Variants in BANK1 observed in about 807,000 individuals in gnomAD.
BANK1 encodes B cell scaffold protein with ankyrin repeats 1.
In BANK1, 95 loss-of-function variants were observed where a neutral mutation model predicts 94.5. The ratio of observed to expected loss-of-function variants is 1.00; its 90% CI spans 0.85 to 1.19. The LOEUF (loss-of-function observed/expected upper bound fraction) is 1.19, where lower values mean the gene tolerates loss of function less well. Among genes scored for constraint, BANK1 ranks in the 50% most tolerant of loss-of-function variants. The pLI is 0.00. For synonymous variants in BANK1, 334 were observed against 308.4 expected, an observed-to-expected ratio of 1.08 and a Z score of -0.87; for missense variants, 987 against 932.2, an observed-to-expected ratio of 1.06 and a Z score of -0.77.
intron 7 of BANK1, among the ~76,000 whole-genome samples, chr4:101,969,399 A>G (rs192820988): frequency 8.5e-5 from 13 of 152,244 alleles, no homozygotes; most frequent in African/African-American, 2.9e-4. Flanking sequence ...AGTTTGCATA[A>G]TGAGAAACAC....
At chr4:101,795,820 T>G (rs1359016853) in intron 1 of BANK1, among the ~76,000 whole-genome samples, 2 of 152,136 alleles carry the variant, frequency 1.3e-5, no homozygotes, top group African/African-American at 2.4e-5. Context: ...TCCACAGCCA[T>G]GTAAATCAAG....
Position 101,809,065 on chromosome 4 carries a change from C to T in BANK1, c.70+18115C>T, listed in dbSNP as rs187853533. 2.9e-4 allele frequency among the ~76,000 whole-genome samples: 44 copies of T among 152,318 alleles called. No individual in the cohort carries two copies. The East Asian group carries it at 7.3e-3, about 25-fold the overall frequency. ...ATGGACACATCTGTTTATAGCAGCA[C>T]AATTTGCAATTGCAAAAATAGGTAA... On this transcript the variant is annotated intron_variant, in intron 1 of 16. Coordinates refer to ENST00000322953, the MANE Select transcript of BANK1 (RefSeq NM_017935.5).
intron 1 of BANK1, among the ~76,000 whole-genome samples, chr4:101,820,994 T>G (rs1726122676): frequency 6.6e-6 from 1 of 152,130 alleles, no homozygotes; most frequent in African/African-American, 2.4e-5. Context: ...TCGAATGCCA[T>G]TACTGTCTTT....
intron 4 of BANK1, among the ~76,000 whole-genome samples, chr4:101,867,838 T>C (rs1220627826): frequency 1.3e-5 from 2 of 151,598 alleles, no homozygotes; most frequent in Non-Finnish European, 2.9e-5. Context: ...TCCTATAAAA[T>C]TCTCAAGTAA....
Position 101,790,920 on chromosome 4 carries a change from G to C in BANK1, c.40G>C (p.Asp14His), listed in dbSNP as rs1212632402. 5 of 1,534,314 alleles carry C rather than the reference G, an allele frequency of 3.3e-6. No homozygotes were observed. Among genetic ancestry groups the C allele is most frequent in the Non-Finnish European group, 4.4e-6 (5 of 1,145,634 alleles). The part of the protein sequence containing the change: ...AAPGKGLGSP[D>H]PAPCGPAPPG... The stretch of plus-strand genomic sequence containing the variant: ...GCCAGGCAAGGGGCTTGGGAGCCCG[G>C]ACCCCGCCCCCTGCGGCCCAGCGCC... The change falls in exon 1 of 17, where the codon GAC (aspartate) becomes CAC (histidine). Residue 14 changes from aspartate (D) to histidine (H), a missense_variant. Transcript: ENST00000322953.
At chr4:102,072,581 A>G (rs1411172385) in intron 15 of BANK1, among the ~76,000 whole-genome samples, 181 bp downstream of exon 15, 1 of 152,176 alleles carries the variant, frequency 6.6e-6, no homozygotes, top group African/African-American at 2.4e-5. Flanking sequence ...TATTTGGAAA[A>G]AAAACAAAGA....
intron 11 of BANK1, among the ~76,000 whole-genome samples, chr4:102,049,228 A>G (rs950021221): frequency 7.2e-5 from 11 of 152,212 alleles, no homozygotes; most frequent in African/African-American, 2.7e-4. Context: ...TATAAAATAT[A>G]CTTAGTCATT....
chr4:102,002,221 A>G (rs995177370), intron 7 of BANK1, among the ~76,000 whole-genome samples: 13 of 152,090 alleles, frequency 8.5e-5, no homozygotes, highest in Admixed American at 6.5e-4. Flanking sequence ...CACACGTATG[A>G]TCTTATTGGA....
Position 102,074,023 on chromosome 4 carries a change from A to T in BANK1, c.*24A>T. On this transcript the variant is annotated 3_prime_UTR_variant, in exon 17 of 17. Transcript: ENST00000322953. ...TTTCCAGGTTATTATAATGAAACTC[A>T]CGAATCTACGGACATTTTGCTTTCA... 1 of 229,254 alleles carries T rather than the reference A, an allele frequency of 4.4e-6. No homozygotes were observed. Among genetic ancestry groups the T allele is most frequent in the Non-Finnish European group, 8.4e-6 (1 of 119,206 alleles). 14.2% of individuals were successfully genotyped at this position (229,254 alleles called of 1,614,324 possible). A position where few individuals can be genotyped will look rare whatever the true frequency, so the allele number is the denominator to read the frequency against.
intron 11 of BANK1, among the ~76,000 whole-genome samples, chr4:102,044,163 C>T (rs1434307582): frequency 2.6e-5 from 4 of 151,976 alleles, no homozygotes; most frequent in Admixed American, 1.3e-4. Context: ...GTATATCTCC[C>T]GATGCTATCC....
chr4:101,942,651 A>C (rs1723792773), intron 7 of BANK1, among the ~76,000 whole-genome samples: 2 of 151,958 alleles, frequency 1.3e-5, no homozygotes, highest in South Asian at 4.1e-4. Flanking sequence ...TCTTACATAA[A>C]ATTATATAAT....
intron 5 of BANK1, among the ~76,000 whole-genome samples, chr4:101,881,169 CCTAT>C (rs1317887916): frequency 7.9e-5 from 12 of 151,874 alleles, no homozygotes; most frequent in Non-Finnish European, 1.8e-4. Flanking sequence ...TTGCAAACTA[CCTAT>C]CTAACAAGGG....
At chr4:101,878,008 C>T (rs541932494) in intron 5 of BANK1, among the ~76,000 whole-genome samples, 1 of 151,900 alleles carries the variant, frequency 6.6e-6, no homozygotes, top group Non-Finnish European at 1.5e-5. Flanking sequence ...AAATTACTTT[C>T]ACTAAAAGGA....
At chr4:101,792,256 C>CCA (rs35818853) in intron 1 of BANK1, among the ~76,000 whole-genome samples, 1 of 30,552 alleles carries the variant, frequency 3.3e-5, no homozygotes, top group African/African-American at 1.1e-4. Flanking sequence ...GCATTCCGCT[C>CCA]CCCCCCCGCC....
chr4:101,983,046 G>A (rs117485338), intron 7 of BANK1, among the ~76,000 whole-genome samples: 4 of 151,780 alleles, frequency 2.6e-5, no homozygotes, highest in African/African-American at 9.7e-5. Flanking sequence ...TTCCCAAGGC[G>A]CAGTATAACT....
chr4:101,868,723 A>G (rs995713670), intron 4 of BANK1, among the ~76,000 whole-genome samples: 1 of 151,946 alleles, frequency 6.6e-6, no homozygotes, highest in African/African-American at 2.4e-5. Context: ...GTGAACCAAA[A>G]TTAAAGTTAA....
At chr4:101,957,816 GTTTTTGT>G (rs150362539) in intron 7 of BANK1, among the ~76,000 whole-genome samples, 44,988 of 139,818 alleles carry the variant, frequency 0.32, 8,096 homozygotes, top group Non-Finnish European at 0.42. Flanking sequence ...TTGTTGTTGT[GTTTTTGT>G]TTTTTGTTTT....
At chr4:102,070,281 A>T (rs1167088371) in intron 13 of BANK1, among the ~76,000 whole-genome samples, 3 of 152,142 alleles carry the variant, frequency 2.0e-5, no homozygotes, top group African/African-American at 7.2e-5. Flanking sequence ...CTTTCCCTTC[A>T]TTCTTCCCTA....
At chr4:101,799,675 C>T (rs1264729273) in intron 1 of BANK1, among the ~76,000 whole-genome samples, 1 of 152,086 alleles carries the variant, frequency 6.6e-6, no homozygotes, top group East Asian at 1.9e-4. Context: ...GAGATCGAGG[C>T]CATCCTGGCT....
Sources: gnomAD v4.1 joint callset for allele counts (sites outside exome capture counted in the v4.1 genomes callset) on GRCh38, gnomAD v4.1.1 for gene constraint, MANE v1.5 for transcripts, NCBI Gene and HGNC (gene_info 2026-07-23, HGNC 2026-07-21) for gene names.